Variants in EXOC4 observed in about 807,000 individuals in gnomAD.
EXOC4 encodes the protein exocyst complex component 4.
Under a neutral mutation model 107.2 loss-of-function variants are expected in EXOC4, and 71 were observed. The ratio of observed to expected loss-of-function variants is 0.66; its 90% CI spans 0.55 to 0.81. The LOEUF (loss-of-function observed/expected upper bound fraction) is 0.81. Among genes scored for constraint, EXOC4 ranks in the 30% least tolerant of loss-of-function variants. The probability of loss-of-function intolerance (pLI) is 0.00; values close to 1 mark genes in which losing one functional copy is unlikely to be tolerated. For synonymous variants in EXOC4, 456 were observed against 441.2 expected (o/e 1.03, Z -0.42); for missense variants, 1,108 against 1,189.6 (o/e 0.93, Z 1.01).
intron 17 of EXOC4, among the ~76,000 whole-genome samples, chr7:134,062,070 C>T (rs1415306067): frequency 6.6e-6 from 1 of 152,174 alleles, no homozygotes; most frequent in Non-Finnish European, 1.5e-5. Flanking sequence ...TGCTATGTGT[C>T]TGGTTCTGTG....
At chr7:134,047,123 CT>C (rs1046428371) in intron 17 of EXOC4, among the ~76,000 whole-genome samples, 14 of 152,274 alleles carry the variant, frequency 9.2e-5, no homozygotes, top group African/African-American at 3.4e-4. Flanking sequence ...TTTAAATTGA[CT>C]TTATGGCCTT....
At chr7:133,343,013 T>C (rs937370873) in intron 5 of EXOC4, among the ~76,000 whole-genome samples, 1 of 152,168 alleles carries the variant, frequency 6.6e-6, no homozygotes, top group Non-Finnish European at 1.5e-5. Context: ...TCTGAATTCT[T>C]TTTCTGTCAA....
rs1173326115 is a variant in EXOC4, at chr7:133,288,976, C to G, written c.331C>G (p.Leu111Val). 1 of 1,614,060 alleles carries G rather than the reference C, an allele frequency of 6.2e-7. No homozygotes were observed. Among genetic ancestry groups the G allele is most frequent in the Non-Finnish European group, 8.5e-7 (1 of 1,180,022 alleles). The part of the protein sequence containing the change: ...KMLLHCKRDE[L>V]RKLWIEGIEH... Reference sequence around the variant, plus strand: ...GCTGCTGCACTGCAAACGGGATGAGCTTCGGAAACTGTGGATTGAAGGAAT... The same window carrying G: ...GCTGCTGCACTGCAAACGGGATGAGGTTCGGAAACTGTGGATTGAAGGAAT... Residue 111 changes from leucine to valine, a missense_variant, in exon 3 of 18, where the codon CTT (leucine) becomes GTT (valine). Physicochemically the swap from Leu to Val is conservative, Grantham distance 32. Coordinates refer to ENST00000253861, the MANE Select transcript of EXOC4 (RefSeq NM_021807.4).
intron 17 of EXOC4, among the ~76,000 whole-genome samples, chr7:134,051,829 C>T (rs536099619): frequency 2.2e-4 from 34 of 151,688 alleles, no homozygotes; most frequent in African/African-American, 7.5e-4. Context: ...ACTAAAAATA[C>T]AAAAAAATTA....
intron 7 of EXOC4, among the ~76,000 whole-genome samples, chr7:133,449,323 A>G (rs1798287917): frequency 6.6e-6 from 1 of 152,130 alleles, no homozygotes; most frequent in Non-Finnish European, 1.5e-5. Context: ...ACCTTGATTT[A>G]AGATCTGCAG....
intron 14 of EXOC4, among the ~76,000 whole-genome samples, chr7:133,989,309 A>G (rs1042485354): frequency 1.3e-5 from 2 of 152,174 alleles, no homozygotes; most frequent in African/African-American, 2.4e-5. Context: ...TGAGATGCCT[A>G]TGGGATATAC....
intron 6 of EXOC4, among the ~76,000 whole-genome samples, chr7:133,360,024 G>T (rs1020695255): frequency 6.6e-6 from 1 of 152,000 alleles, no homozygotes; most frequent in Admixed American, 6.6e-5. Flanking sequence ...TAAACATTAG[G>T]GTAACATGTG....
chr7:133,807,023 CAACCA>C (rs1467825536), intron 10 of EXOC4, among the ~76,000 whole-genome samples: 1 of 152,152 alleles, frequency 6.6e-6, no homozygotes, highest in Non-Finnish European at 1.5e-5. Flanking sequence ...TCTGCATCCA[CAACCA>C]AATGCAGATC....
At chr7:133,853,098 A>G (rs2116269085) in intron 11 of EXOC4, among the ~76,000 whole-genome samples, 1 of 152,232 alleles carries the variant, frequency 6.6e-6, no homozygotes, top group South Asian at 2.1e-4. Context: ...GTAGAGAAGT[A>G]CCAGTTAAGT....
At chr7:133,542,981 C>T (rs1372305199) in intron 9 of EXOC4, among the ~76,000 whole-genome samples, 1 of 151,926 alleles carries the variant, frequency 6.6e-6, no homozygotes, top group Non-Finnish European at 1.5e-5. Flanking sequence ...CTGAAGACGA[C>T]CATAGCTATC....
intron 13 of EXOC4, among the ~76,000 whole-genome samples, chr7:133,919,965 A>G (rs1799901945): frequency 6.6e-6 from 1 of 152,218 alleles, no homozygotes; most frequent in South Asian, 2.1e-4. Flanking sequence ...AACTGCCAAA[A>G]TGTATTCCAA....
At chr7:133,657,022 T>C (rs185220043) in intron 10 of EXOC4, among the ~76,000 whole-genome samples, 4 of 152,270 alleles carry the variant, frequency 2.6e-5, no homozygotes, top group African/African-American at 9.6e-5. Flanking sequence ...GTGGCACATA[T>C]TATCTCTTGT....
chr7:133,624,747 C>T (rs1344380113), intron 9 of EXOC4, among the ~76,000 whole-genome samples: 1 of 152,074 alleles, frequency 6.6e-6, no homozygotes, highest in Non-Finnish European at 1.5e-5. Context: ...CATGTACCAA[C>T]AAGCCTGGCT....
At chr7:133,761,285 ATAACAC>A (rs1796027388) in intron 10 of EXOC4, among the ~76,000 whole-genome samples, 1 of 152,156 alleles carries the variant, frequency 6.6e-6, no homozygotes, top group African/African-American at 2.4e-5. Flanking sequence ...ATTAGCTTGG[ATAACAC>A]TATTTCTTCT....
chr7:133,778,848 T>G (rs1007567013), intron 10 of EXOC4, among the ~76,000 whole-genome samples: 2 of 152,250 alleles, frequency 1.3e-5, no homozygotes, highest in Non-Finnish European at 2.9e-5. Flanking sequence ...AACATTGTTT[T>G]CCTTCTGATT....
chr7:134,075,193 T>C, the EXOC4 span, among the ~76,000 whole-genome samples: 7 of 152,194 alleles, frequency 4.6e-5, no homozygotes, highest in African/African-American at 1.7e-4. Flanking sequence ...CTTTGAACCC[T>C]CTAGAATTAC....
chr7:133,937,990 C>A lies in EXOC4; in HGVS notation c.2127C>A (p.Ala709=). ...DILRDVSDLK[A]LANMHESLEW... Reference sequence around the variant, plus strand: ...TTCGTGACGTCAGTGACCTCAAAGCCTTGGCCAACATGCATGAAAGCCTGG... The same window carrying A: ...TTCGTGACGTCAGTGACCTCAAAGCATTGGCCAACATGCATGAAAGCCTGG... Residue 709 remains alanine, a synonymous_variant, in exon 14 of 18, where the codon GCC becomes GCA. Transcript: ENST00000253861. 1 of 1,614,158 alleles carries A rather than the reference C, an allele frequency of 6.2e-7. No individual in the cohort carries two copies. Among genetic ancestry groups the A allele is most frequent in the South Asian group, 1.1e-5 (1 of 91,078 alleles).
chr7:133,898,512 G>A (rs907699833), intron 12 of EXOC4, among the ~76,000 whole-genome samples: 59 of 149,154 alleles, frequency 4.0e-4, no homozygotes, highest in Middle Eastern at 3.4e-3. Flanking sequence ...TTGAGAGGCC[G>A]AGGCAGGCGG....
intron 17 of EXOC4, among the ~76,000 whole-genome samples, chr7:134,046,626 C>T (rs1229622452): frequency 6.6e-6 from 1 of 151,576 alleles, no homozygotes; most frequent in Non-Finnish European, 1.5e-5. Flanking sequence ...GTCCCCTGAG[C>T]CCGGGAGACC....
Sources: allele counts gnomAD v4.1 joint callset (sites outside exome capture counted in the v4.1 genomes callset), GRCh38; gene constraint gnomAD v4.1.1; transcripts MANE v1.5; gene names NCBI Gene and HGNC (gene_info 2026-07-23, HGNC 2026-07-21).